VAT1L: variants seen among roughly 807,000 people sequenced by gnomAD.
VAT1L encodes putative NADPH-dependent quinone oxidoreductase VAT1L.
Under a neutral mutation model 44.1 loss-of-function variants are expected in VAT1L, and 34 were observed. That is an observed-to-expected ratio of 0.77 (90% CI 0.59 to 1.03). The LOEUF (loss-of-function observed/expected upper bound fraction) is 1.03, where lower values mean the gene tolerates loss of function less well. VAT1L is among the 50% of genes least tolerant of loss of function. The pLI, the probability that VAT1L is intolerant of heterozygous loss-of-function variation, is 0.00. For synonymous variants in VAT1L, 253 were observed against 202.2 expected, an observed-to-expected ratio of 1.25 and a Z score of -2.13; for missense variants, 615 against 538.8, an observed-to-expected ratio of 1.14 and a Z score of -1.40.
At chr16:77,872,215 G>A (rs932682194) in intron 4 of VAT1L, among the ~76,000 whole-genome samples, 1 of 152,092 alleles carries the variant, frequency 6.6e-6, no homozygotes. Context: ...CCAGTACTGT[G>A]TTGCCCTTGA....
At chr16:77,849,238 AT>A (rs2016785780) in intron 3 of VAT1L, among the ~76,000 whole-genome samples, 2 of 152,266 alleles carry the variant, frequency 1.3e-5, no homozygotes, top group African/African-American at 4.8e-5. Context: ...TACGTGGCAC[AT>A]AAATGTCCAC....
In VAT1L at chr16:77,859,401, G is replaced by A. The variant is rs4888692; in HGVS notation, c.580-3347G>A. Among the ~76,000 whole-genome samples, 9 of 152,150 alleles carry A rather than the reference G, an allele frequency of 5.9e-5. No individual in the cohort carries two copies. The South Asian group carries it at 8.3e-4, about 14-fold the overall frequency. On this transcript the variant is annotated intron_variant, in intron 3 of 8. Coordinates refer to ENST00000302536, the MANE Select transcript of VAT1L (RefSeq NM_020927.3). ...ATGCTAACTGTGGTGGCTGAAGTTC[G>A]GTGTGTGTTAGGGAGTAGAAATTGG...
intron 3 of VAT1L, among the ~76,000 whole-genome samples, chr16:77,831,622 G>T (rs527451101): frequency 1.4e-4 from 22 of 152,130 alleles, no homozygotes; most frequent in Non-Finnish European, 2.9e-4. Context: ...TTACGGTAAT[G>T]AAAACCATAG....
At chr16:77,889,682 G>A (rs62042176) in intron 7 of VAT1L, among the ~76,000 whole-genome samples, 2 of 152,182 alleles carry the variant, frequency 1.3e-5, no homozygotes, top group South Asian at 2.1e-4. Context: ...ATAATTTAAT[G>A]TCTGAGACAA....
chr16:77,923,616 C>G (rs919637915), intron 7 of VAT1L, among the ~76,000 whole-genome samples: 2 of 152,132 alleles, frequency 1.3e-5, no homozygotes, highest in African/African-American at 4.8e-5. Flanking sequence ...TTTCAGAAGC[C>G]AGCCTCCTGC....
chr16:77,854,135 A>G (rs1257384140), intron 3 of VAT1L, among the ~76,000 whole-genome samples: 2 of 152,084 alleles, frequency 1.3e-5, no homozygotes, highest in East Asian at 1.9e-4. Flanking sequence ...CTCAAACGAA[A>G]AAAAAAAAAT....
intron 7 of VAT1L, among the ~76,000 whole-genome samples, chr16:77,919,485 T>A (rs1249832854): frequency 6.6e-6 from 1 of 152,176 alleles, no homozygotes; most frequent in Non-Finnish European, 1.5e-5. Context: ...ACCACCCGCT[T>A]CCCTGCTTAA....
chr16:77,849,390 T>C (rs2142432134), intron 3 of VAT1L, among the ~76,000 whole-genome samples: 1 of 152,306 alleles, frequency 6.6e-6, no homozygotes, highest in Non-Finnish European at 1.5e-5. Context: ...CATTCATTCA[T>C]CTCCATGTTT....
intron 7 of VAT1L, among the ~76,000 whole-genome samples, chr16:77,969,243 G>A (rs76576667): frequency 0.097 from 14,723 of 152,196 alleles, 848 homozygotes; most frequent in African/African-American, 0.16. Flanking sequence ...TCCCTTAACC[G>A]TGAGTATCTA....
chr16:77,851,904 G>A (rs1335294440), intron 3 of VAT1L, among the ~76,000 whole-genome samples: 2 of 152,124 alleles, frequency 1.3e-5, no homozygotes, highest in Non-Finnish European at 2.9e-5. Flanking sequence ...AGGACCCTCG[G>A]AGATTCTGCT....
At position 77,943,380 on chromosome 16, in the gene VAT1L, C is replaced by CTTT. The variant is rs773527946; in HGVS notation, c.1078-28455_1078-28453dup. On this transcript the variant is annotated intron_variant, in intron 7 of 8. Coordinates refer to ENST00000302536, the MANE Select transcript of VAT1L (RefSeq NM_020927.3). ...CACTTGGCCTATTTTCTTTTTCTTTCTTTTTTTTTTTTTTTTTGAGACAGA... is the reference window on the plus strand; with the variant it reads ...CACTTGGCCTATTTTCTTTTTCTTTCTTTTTTTTTTTTTTTTTTTTGAGACAGA... 1.3e-3 allele frequency among the ~76,000 whole-genome samples: 162 copies of CTTT among 125,880 alleles called. 2 individuals are homozygous for CTTT. Among genetic ancestry groups the CTTT allele is most frequent in the East Asian group, 4.1e-3 (17 of 4,104 alleles). 82.6% of individuals were successfully genotyped at this position (125,880 alleles called of 152,430 possible).
rs2017739452 is a variant in VAT1L at position 77,932,195 on chromosome 16, CT to C, written c.1078-39654del. 8.0e-5 allele frequency among the ~76,000 whole-genome samples: 12 copies of C among 150,764 alleles called. No homozygotes were observed. The South Asian group carries it at 2.5e-3, about 32-fold the overall frequency. Reference sequence around the variant, plus strand: ...CTTGGATCATTGCAAGCTCTGCCTCCTGGGTTCAGGCCATTCTCCTGCCTCA... The same window carrying C: ...CTTGGATCATTGCAAGCTCTGCCTCCGGGTTCAGGCCATTCTCCTGCCTCA... On this transcript the variant is annotated intron_variant, in intron 7 of 8. Transcript: ENST00000302536.
intron 4 of VAT1L, among the ~76,000 whole-genome samples, chr16:77,865,154 T>C (rs2016959918): frequency 6.6e-6 from 1 of 151,864 alleles, no homozygotes; most frequent in South Asian, 2.1e-4. Flanking sequence ...TTTGTATTTT[T>C]AGTAGAGACG....
intron 6 of VAT1L, among the ~76,000 whole-genome samples, chr16:77,880,225 C>T (rs1049036682): frequency 2.0e-4 from 30 of 152,088 alleles, no homozygotes; most frequent in African/African-American, 6.8e-4. Flanking sequence ...GGCATGGTCT[C>T]GGCTCACTGC....
In VAT1L at chr16:77,978,582, AC is replaced by A. The variant is rs1174826219; in HGVS notation, c.*889del. On this transcript the variant is annotated 3_prime_UTR_variant, in exon 9 of 9. Coordinates refer to ENST00000302536, the MANE Select transcript of VAT1L (RefSeq NM_020927.3). The stretch of plus-strand genomic sequence containing the variant: ...TTCCTGGTGGAAAGTGACCACTTTG[AC>A]CATGGATTTCCCAAAGAAGAGTTCC... 6.6e-6 allele frequency: 1 copy of A among 152,244 alleles called. No homozygotes were observed. Among genetic ancestry groups the A allele is most frequent in the Non-Finnish European group, 1.5e-5 (1 of 68,050 alleles). The allele number at this position is 152,244 out of a possible 1,614,324, so 9.4% of individuals were successfully genotyped here. A position where few individuals can be genotyped will look rare whatever the true frequency, so the allele number is the denominator to read the frequency against.
chr16:77,933,492 A>G (rs1379254276), intron 7 of VAT1L, among the ~76,000 whole-genome samples: 2 of 152,262 alleles, frequency 1.3e-5, no homozygotes, highest in African/African-American at 4.8e-5. Flanking sequence ...TTAAAACTGT[A>G]TGAGGATAAA....
intron 7 of VAT1L, among the ~76,000 whole-genome samples, chr16:77,947,360 C>A (rs1204917101): frequency 6.6e-6 from 1 of 152,164 alleles, no homozygotes; most frequent in Non-Finnish European, 1.5e-5. Context: ...AATTACCTGG[C>A]TTCTAAAAAA....
intron 7 of VAT1L, among the ~76,000 whole-genome samples, chr16:77,895,892 T>G (rs1196930088): frequency 6.6e-6 from 1 of 152,070 alleles, no homozygotes; most frequent in Non-Finnish European, 1.5e-5. Context: ...AGTCAGACAA[T>G]TATATAAGCA....
chr16:77,959,739 G>C (rs1217966224), intron 7 of VAT1L, among the ~76,000 whole-genome samples: 1 of 152,162 alleles, frequency 6.6e-6, no homozygotes, highest in African/African-American at 2.4e-5. Context: ...CCCAAACAAA[G>C]ACTGAGGATT....
Sources: gnomAD v4.1 joint callset for allele counts (sites outside exome capture counted in the v4.1 genomes callset) on GRCh38, gnomAD v4.1.1 for gene constraint, MANE v1.5 for transcripts, NCBI Gene and HGNC (gene_info 2026-07-23, HGNC 2026-07-21) for gene names.